Variants in AFF3 observed in about 807,000 individuals in gnomAD.
The protein encoded by AFF3 is ALF transcription elongation factor 3, also known as AF4/FMR2 family member 3.
AFF3 carries 32 observed loss-of-function variants against 129.7 expected under a neutral mutation model. The observed-to-expected ratio is 0.25, with a 90% CI of 0.19 to 0.33. The LOEUF is 0.33. AFF3 is among the 10% of genes least tolerant of loss of function. AFF3 has a pLI of 1.00. For missense variants in AFF3, 1,373 were observed against 1,592.0 expected, an observed-to-expected ratio of 0.86 and a Z score of 2.34; for synonymous variants, 644 against 635.4, an observed-to-expected ratio of 1.01 and a Z score of -0.20.
At chr2:99,716,397 T>C (rs1252769163) in intron 11 of AFF3, among the ~76,000 whole-genome samples, 3 of 152,178 alleles carry the variant, frequency 2.0e-5, no homozygotes, top group African/African-American at 7.2e-5. Flanking sequence ...ATCTTGGCTT[T>C]GCCACTTTAA....
intron 7 of AFF3, among the ~76,000 whole-genome samples, chr2:99,884,934 T>G (rs927280040): frequency 3.3e-5 from 5 of 152,108 alleles, no homozygotes; most frequent in African/African-American, 1.2e-4. Flanking sequence ...TTCCCACATT[T>G]TTTGTGTTCT....
In AFF3 at chr2:99,996,772, A is replaced by T. The variant is rs965837816; in HGVS notation, c.873+9860T>A. Among the ~76,000 whole-genome samples, 5 of 152,164 alleles carry T rather than the reference A, an allele frequency of 3.3e-5. No homozygotes were observed. In the East Asian group the frequency reaches 9.7e-4, roughly 29 times the overall value. ...GTCCTTTGCAGCAAAACTTCCAGAA[A>T]GACTGTATGTAATGTCTCTAATTCC... On this transcript the variant is annotated intron_variant, in intron 7 of 24. Coordinates refer to ENST00000672756, the MANE Select transcript of AFF3 (RefSeq NM_001386135.1).
intron 8 of AFF3, among the ~76,000 whole-genome samples, chr2:99,809,240 G>C (rs967973214): frequency 3.3e-5 from 5 of 152,228 alleles, no homozygotes; most frequent in African/African-American, 1.2e-4. Flanking sequence ...AGGTTCAATA[G>C]AAAAGGAAAG....
At chr2:99,976,336 C>T (rs17023330) in intron 7 of AFF3, among the ~76,000 whole-genome samples, 2,960 of 152,184 alleles carry the variant, frequency 0.019, 102 homozygotes, top group African/African-American at 0.069. Flanking sequence ...CTGATTAAAA[C>T]GCATCCTATT....
At chr2:99,822,553 C>G (rs903192249) in intron 8 of AFF3, among the ~76,000 whole-genome samples, 6 of 152,136 alleles carry the variant, frequency 3.9e-5, no homozygotes, top group African/African-American at 1.4e-4. Context: ...GAGCCTGTCA[C>G]CCCTGGAGCT....
At chr2:99,862,805 T>A (rs1429671541) in intron 7 of AFF3, among the ~76,000 whole-genome samples, 1 of 152,266 alleles carries the variant, frequency 6.6e-6, no homozygotes, top group African/African-American at 2.4e-5. Flanking sequence ...AATTAAAATC[T>A]AGTGCCAGAC....
At chr2:100,136,774 C>T (rs1258765292) in intron 1 of AFF3, among the ~76,000 whole-genome samples, 1 of 152,122 alleles carries the variant, frequency 6.6e-6, no homozygotes, top group East Asian at 1.9e-4. Flanking sequence ...TCTCCCTCCC[C>T]AAATGCATTG....
At chr2:100,120,481 C>G (rs1691916684) in intron 2 of AFF3, among the ~76,000 whole-genome samples, 1 of 145,496 alleles carries the variant, frequency 6.9e-6, no homozygotes, top group Admixed American at 6.8e-5. Flanking sequence ...CACCCTCTGC[C>G]TTGTGAATAC....
rs1686057632 is a variant in AFF3, at chr2:99,659,686, G to A, written c.1144-10020C>T. The stretch of plus-strand genomic sequence containing the variant: ...CCTTGGTGGAATTTAATGCAGAAGA[G>A]ATGACATGTCAGAGTGACTGGAGCA... On this transcript the variant is annotated intron_variant, in intron 12 of 24. Coordinates refer to ENST00000672756, the MANE Select transcript of AFF3 (RefSeq NM_001386135.1). Among the ~76,000 whole-genome samples the A allele has an allele frequency of 2.0e-5, 3 of 152,272 alleles. 1 individual carries two copies. In the South Asian group the frequency reaches 6.2e-4, roughly 32 times the overall value.
intron 7 of AFF3, among the ~76,000 whole-genome samples, chr2:99,851,665 T>C (rs1690150595): frequency 6.6e-6 from 1 of 152,164 alleles, no homozygotes; most frequent in African/African-American, 2.4e-5. Context: ...AAGAAGCTTC[T>C]TCCCCCTTTC....
At chr2:99,792,754 T>C (rs1685288971) in intron 8 of AFF3, among the ~76,000 whole-genome samples, 2 of 152,254 alleles carry the variant, frequency 1.3e-5, no homozygotes, top group African/African-American at 4.8e-5. Flanking sequence ...ATTCTGCTAA[T>C]ACAGAAAATT....
chr2:99,690,760 A>G (rs1218036805), intron 11 of AFF3, among the ~76,000 whole-genome samples: 1 of 151,250 alleles, frequency 6.6e-6, no homozygotes, highest in Non-Finnish European at 1.5e-5. Context: ...TTAAAAGTAT[A>G]CTAACCCAAG....
intron 1 of AFF3, among the ~76,000 whole-genome samples, chr2:100,134,239 T>TAA (rs1337755811): frequency 6.6e-6 from 1 of 152,214 alleles, no homozygotes; most frequent in African/African-American, 2.4e-5. Context: ...TGAATTCATA[T>TAA]AAGCCTTGTA....
intron 8 of AFF3, among the ~76,000 whole-genome samples, chr2:99,831,339 C>T (rs891598776): frequency 6.6e-5 from 10 of 152,188 alleles, no homozygotes; most frequent in African/African-American, 1.7e-4. Context: ...CTGATGAATA[C>T]GTATGGTGAT....
At chr2:99,923,235 TG>T (rs1695976895) in intron 7 of AFF3, among the ~76,000 whole-genome samples, 1 of 152,204 alleles carries the variant, frequency 6.6e-6, no homozygotes, top group Non-Finnish European at 1.5e-5. Context: ...CTCTTTAACC[TG>T]GATCTATTCA....
Position 99,546,970 on chromosome 2 carries a change from G to A in AFF3, c.*4504C>T, listed in dbSNP as rs7571075. On this transcript the variant is annotated 3_prime_UTR_variant, in exon 25 of 25. Transcript: ENST00000672756. ...TGCATACGTGCATGCATGTGCGCGC[G>A]TGTGTGCGTATGTGTATGTATCAGG... 3.8e-3 allele frequency: 851 copies of A among 221,996 alleles called. 7 individuals are homozygous for A. Among genetic ancestry groups the A allele is most frequent in the African/African-American group, 0.017 (783 of 44,790 alleles). 13.8% of individuals were successfully genotyped at this position (221,996 alleles called of 1,614,324 possible).
intron 7 of AFF3, among the ~76,000 whole-genome samples, chr2:99,945,931 G>A (rs1675519468): frequency 6.6e-6 from 1 of 152,216 alleles, no homozygotes; most frequent in Non-Finnish European, 1.5e-5. Context: ...TCTGGATGAT[G>A]CTCTAAATAT....
chr2:100,068,182 T>C (rs1342955816), intron 4 of AFF3, among the ~76,000 whole-genome samples: 2 of 152,224 alleles, frequency 1.3e-5, no homozygotes, highest in Non-Finnish European at 2.9e-5. Flanking sequence ...GTTCCTGTCT[T>C]CTTCATAGCT....
chr2:100,067,439 A>G (rs1284012081), intron 4 of AFF3, among the ~76,000 whole-genome samples: 1 of 152,194 alleles, frequency 6.6e-6, no homozygotes, highest in African/African-American at 2.4e-5. Context: ...AAGTAAATTA[A>G]AAGAATCCTT....
Sources: allele counts gnomAD v4.1 joint callset (sites outside exome capture counted in the v4.1 genomes callset), GRCh38; gene constraint gnomAD v4.1.1; transcripts MANE v1.5; gene names NCBI Gene and HGNC (gene_info 2026-07-23, HGNC 2026-07-21).